NELL2: variants seen among roughly 807,000 people sequenced by gnomAD.
NELL2 encodes protein kinase C-binding protein NELL2.
A neutral mutation model predicts 109.6 loss-of-function variants in NELL2; 41 were observed. That is an observed-to-expected ratio of 0.37 (90% CI 0.29 to 0.49). NELL2 has a LOEUF of 0.49. NELL2 is among the 20% of genes least tolerant of loss of function. NELL2 has a pLI of 0.98. For synonymous variants in NELL2, 355 were observed against 344.7 expected, an observed-to-expected ratio of 1.03 and a Z score of -0.33; for missense variants, 900 against 1,008.3, an observed-to-expected ratio of 0.89 and a Z score of 1.45.
At chr12:44,868,305 G>T (rs551594181) in intron 2 of NELL2, among the ~76,000 whole-genome samples, 1 of 152,046 alleles carries the variant, frequency 6.6e-6, no homozygotes, top group Non-Finnish European at 1.5e-5. Context: ...TAAATGAAAA[G>T]ATATGCTTTG....
intron 2 of NELL2, among the ~76,000 whole-genome samples, chr12:44,852,909 T>C (rs1057419994): frequency 1.3e-5 from 2 of 152,300 alleles, no homozygotes; most frequent in South Asian, 2.1e-4. Flanking sequence ...AGATGCTTTA[T>C]TGTAGAGGCA....
chr12:44,903,687 A>G (rs1376264524), intron 1 of NELL2, among the ~76,000 whole-genome samples: 1 of 152,196 alleles, frequency 6.6e-6, no homozygotes, highest in Non-Finnish European at 1.5e-5. Flanking sequence ...GCACATATGC[A>G]CTGTAGAATA....
intron 13 of NELL2, among the ~76,000 whole-genome samples, chr12:44,653,257 A>G (rs1373078819): frequency 6.6e-6 from 1 of 152,224 alleles, no homozygotes; most frequent in Non-Finnish European, 1.5e-5. Flanking sequence ...TAAAAACAAC[A>G]TATAAGGTAT....
chr12:44,846,680 A>C (rs1334882394), intron 2 of NELL2, among the ~76,000 whole-genome samples: 1 of 152,212 alleles, frequency 6.6e-6, no homozygotes, highest in African/African-American at 2.4e-5. Context: ...TAAGATGATC[A>C]ATTCAAAATA....
intron 2 of NELL2, among the ~76,000 whole-genome samples, chr12:44,839,609 T>C (rs1386807031): frequency 6.6e-6 from 1 of 152,216 alleles, no homozygotes; most frequent in Non-Finnish European, 1.5e-5. Context: ...GTGATGTCAT[T>C]ATCTAATTCC....
intron 2 of NELL2, among the ~76,000 whole-genome samples, chr12:44,843,221 A>G (rs1355360044): frequency 1.3e-5 from 2 of 152,192 alleles, no homozygotes; most frequent in Non-Finnish European, 2.9e-5. Flanking sequence ...ATTAAAAAAA[A>G]AACTAATTAG....
rs117962591 is a variant in NELL2, at chr12:44,629,354, T to C, written c.1445-18384A>G. Among the ~76,000 whole-genome samples, 194 of 152,338 alleles carry C rather than the reference T, an allele frequency of 1.3e-3. 3 individuals carry two copies. The East Asian group carries it at 0.027, about 21-fold the overall frequency. ...CCTATTGATAGGATTATCTAGTCAA[T>C]AGAATTATCTAAAATCAGATTGATT... On this transcript the variant is annotated intron_variant, in intron 13 of 19. Transcript: ENST00000429094.
chr12:44,651,163 C>T (rs1947287571), intron 13 of NELL2, among the ~76,000 whole-genome samples: 1 of 152,192 alleles, frequency 6.6e-6, no homozygotes. Context: ...ATCCAGAAAC[C>T]ATCCCTACCC....
At chr12:44,702,281 G>A (rs1024258130) in intron 12 of NELL2, among the ~76,000 whole-genome samples, 3 of 152,056 alleles carry the variant, frequency 2.0e-5, no homozygotes, top group African/African-American at 7.2e-5. Flanking sequence ...CTCCCAGAAT[G>A]TAAAGCTCCT....
At chr12:44,709,919 A>T (rs1426304815) in intron 11 of NELL2, among the ~76,000 whole-genome samples, 2 of 152,216 alleles carry the variant, frequency 1.3e-5, no homozygotes, top group African/African-American at 4.8e-5. Flanking sequence ...GCACTGACTT[A>T]GGCACTGTGA....
chr12:44,624,996 G>GTATA lies in NELL2; in HGVS notation c.1445-14030_1445-14027dup, dbSNP rs3072882. Among the ~76,000 whole-genome samples, 232 of 71,076 alleles carry GTATA rather than the reference G, an allele frequency of 3.3e-3. 3 individuals are homozygous for GTATA. The highest frequency in any genetic ancestry group is 5.2e-3 in the African/African-American group (95 of 18,180). 46.6% of individuals were successfully genotyped at this position (71,076 alleles called of 152,430 possible). On this transcript the variant is annotated intron_variant, in intron 13 of 19. Transcript: ENST00000429094. ...ATGACAAATATATATATATGTGTGT[G>GTATA]TATATATATATATATATATATATAT...
At chr12:44,806,457 C>T (rs776990793) in intron 3 of NELL2, among the ~76,000 whole-genome samples, 1 of 151,888 alleles carries the variant, frequency 6.6e-6, no homozygotes, top group South Asian at 2.1e-4. Context: ...CATACACATA[C>T]ATATTTCATA....
chr12:44,639,337 T>C (rs1946760828), intron 13 of NELL2, among the ~76,000 whole-genome samples: 1 of 152,140 alleles, frequency 6.6e-6, no homozygotes, highest in Non-Finnish European at 1.5e-5. Context: ...ATGAATCAAA[T>C]TCATGAACCC....
chr12:44,805,828 A>G (rs1240150360), intron 3 of NELL2, among the ~76,000 whole-genome samples: 1 of 151,860 alleles, frequency 6.6e-6, no homozygotes, highest in Non-Finnish European at 1.5e-5. Context: ...CTAGAGTAAC[A>G]CAAACTCTCC....
intron 9 of NELL2, among the ~76,000 whole-genome samples, chr12:44,720,896 T>C (rs1938735951): frequency 6.6e-6 from 1 of 152,188 alleles, no homozygotes; most frequent in Admixed American, 6.5e-5. Flanking sequence ...GTGCTTCCCA[T>C]AGGTGGCCTT....
At chr12:44,855,878 C>A (rs138219607) in intron 2 of NELL2, among the ~76,000 whole-genome samples, 1 of 152,168 alleles carries the variant, frequency 6.6e-6, no homozygotes, top group South Asian at 2.1e-4. Flanking sequence ...AACAGAACTA[C>A]CATTTTTTCC....
chr12:44,741,652 T>C (rs1401124690), intron 9 of NELL2, among the ~76,000 whole-genome samples: 2 of 152,170 alleles, frequency 1.3e-5, no homozygotes, highest in African/African-American at 4.8e-5. Context: ...CACCAGGAGA[T>C]TATATCCCGC....
chr12:44,809,407 A>G (rs761731365), intron 3 of NELL2, among the ~76,000 whole-genome samples: 34 of 152,096 alleles, frequency 2.2e-4, no homozygotes, highest in Non-Finnish European at 4.4e-4. Context: ...TCAGAAAACT[A>G]TAATAATGAG....
intron 9 of NELL2, among the ~76,000 whole-genome samples, chr12:44,745,007 G>C (rs1290799133): frequency 2.6e-5 from 4 of 152,118 alleles, no homozygotes; most frequent in African/African-American, 4.8e-5. Flanking sequence ...CCAAAAAAGA[G>C]AATTTTACAC....
Sources: gnomAD v4.1 joint callset for allele counts (sites outside exome capture counted in the v4.1 genomes callset) on GRCh38, gnomAD v4.1.1 for gene constraint, MANE v1.5 for transcripts, NCBI Gene and HGNC (gene_info 2026-07-23, HGNC 2026-07-21) for gene names.